Variants in RHOT2 observed in about 807,000 individuals in gnomAD.
The protein encoded by RHOT2 is mitochondrial Rho GTPase 2.
In RHOT2, 90 loss-of-function variants were observed where a neutral mutation model predicts 81.6. The observed-to-expected ratio is 1.10, with a 90% confidence interval of 0.93 to 1.31. The LOEUF (loss-of-function observed/expected upper bound fraction) is 1.31, where lower values mean the gene tolerates loss of function less well. Ranked by LOEUF, RHOT2 falls within the 40% of genes most tolerant of loss-of-function variation. The probability of loss-of-function intolerance (pLI) is 0.00; values close to 1 mark genes in which losing one functional copy is unlikely to be tolerated. For synonymous variants in RHOT2, 512 were observed against 370.9 expected, an observed-to-expected ratio of 1.38 and a Z score of -4.37; for missense variants, 1,014 against 841.9, an observed-to-expected ratio of 1.20 and a Z score of -2.53.
chr16:669,737 C>T (rs1032290938), intron 5 of RHOT2, 131 bp downstream of exon 5: 18 of 883,568 alleles, frequency 2.0e-5, no homozygotes, highest in Middle Eastern at 3.0e-4. Context: ...AGTTGCCTGA[C>T]GTGGAGTCAC....
At chr16:669,998 C>A in intron 5 of RHOT2, 125 bp from the exon 6 acceptor site, 1 of 855,936 alleles carries the variant, frequency 1.2e-6, no homozygotes, top group Non-Finnish European at 1.8e-6. Context: ...TTCCTGTGGC[C>A]GGGACTTGGG....
At position 672,785 on chromosome 16, in the gene RHOT2, G is replaced by A. The variant is rs773669620; in HGVS notation, c.1487G>A (p.Ser496Asn). 2 of 1,612,736 alleles carry A rather than the reference G, an allele frequency of 1.2e-6. No individual in the cohort carries two copies. The highest frequency in any genetic ancestry group is 2.2e-5 in the South Asian group (2 of 91,086). Reference sequence around the variant, plus strand: ...GTTGCCTGCTTGATGTTTGATGGCAGTGACCCAAAGTCCTTTGCACATTGT... The same window carrying A: ...GTTGCCTGCTTGATGTTTGATGGCAATGACCCAAAGTCCTTTGCACATTGT... Reference protein sequence around the residue: ...CDVACLMFDGSDPKSFAHCAS... With the variant: ...CDVACLMFDGNDPKSFAHCAS... The change falls in exon 17 of 19, where the codon AGT becomes AAT. Residue 496 changes from serine to asparagine, a missense_variant. By Grantham distance (46) the Ser-to-Asn change is conservative (BLOSUM62 1). Transcript: ENST00000315082.
At chr16:668,800 GC>G in intron 4 of RHOT2, 101 bp downstream of exon 4, 1 of 1,307,538 alleles carries the variant, frequency 7.6e-7, no homozygotes. Context: ...GGTGTCCTTG[GC>G]CCTGATAATT....
intron 17 of RHOT2, 21 bp from the exon 18 acceptor site, chr16:672,907 C>T (rs771404114): frequency 1.2e-6 from 2 of 1,612,654 alleles, no homozygotes; most frequent in East Asian, 2.2e-5. Context: ...GACTGTACCT[C>T]ATACCACTCT....
chr16:670,287 G>A lies in RHOT2; in HGVS notation c.368G>A (p.Arg123Gln), dbSNP rs770092940. 8.7e-6 allele frequency: 14 copies of A among 1,612,662 alleles called. No individual in the cohort carries two copies. The highest frequency in any genetic ancestry group is 6.7e-5 in the Admixed American group (4 of 59,996). Reference protein sequence around the residue: ...IILVGNKSDLRSGSSMEAVLP... With the variant: ...IILVGNKSDLQSGSSMEAVLP... ...CTAGTGGGCAACAAGTCAGACCTGC[G>A]GTCGGGGAGCTCCATGGAGGCCGTG... Residue 123 changes from arginine to glutamine, a missense_variant, in exon 7 of 19, where the codon CGG becomes CAG. Physicochemically the swap from Arg to Gln is conservative, Grantham distance 43. Coordinates refer to ENST00000315082, the MANE Select transcript of RHOT2 (RefSeq NM_138769.3).
chr16:673,370 C>A, intron 18 of RHOT2, 110 bp from the exon 19 acceptor site: 1 of 1,528,452 alleles, frequency 6.5e-7, no homozygotes. Flanking sequence ...TGCCTCTGGT[C>A]TGGGATCCCC....
intron 18 of RHOT2, 103 bp from the exon 19 acceptor site, chr16:673,377 C>A (rs1409061276): frequency 1.9e-6 from 3 of 1,548,536 alleles, no homozygotes; most frequent in Non-Finnish European, 2.6e-6. Flanking sequence ...GGTCTGGGAT[C>A]CCCGCCTGTG....
At chr16:669,779 A>ACCCTCTCAGGG in intron 5 of RHOT2, 173 bp downstream of exon 5, 2 of 694,794 alleles carry the variant, frequency 2.9e-6, no homozygotes, top group Non-Finnish European at 2.5e-6. Flanking sequence ...ACTTCCCCTG[A>ACCCTCTCAGGG]GAGGGTCTGG....
intron 5 of RHOT2, chr16:669,853 C>T (rs554654533): frequency 2.0e-5 from 12 of 612,472 alleles, no homozygotes; most frequent in African/African-American, 9.3e-5. Context: ...TCCAAACCCC[C>T]GGGGGGGGAC....
At position 670,738 on chromosome 16, in the gene RHOT2, C is replaced by G. The variant is rs768588499; in HGVS notation, c.604C>G (p.Gln202Glu). Residue 202 changes from glutamine to glutamate, a missense_variant, in exon 9 of 19, where the codon CAG (glutamine) becomes GAG (glutamate). Gln to Glu is a conservative substitution (Grantham distance 29). Transcript: ENST00000315082. ...CAGGCTCTCAGATCAGGACCTGGAC[C>G]AGGCGCTCAGTGACGAAGAGCTCAA... ...IFRLSDQDLD[Q>E]ALSDEELNAF... 1.2e-6 allele frequency: 2 copies of G among 1,612,438 alleles called. No individual in the cohort carries two copies. Among genetic ancestry groups the G allele is most frequent in the Admixed American group, 3.3e-5 (2 of 60,036 alleles).
At position 670,108 on chromosome 16, in the gene RHOT2, G is replaced by A. The variant is rs370536364; in HGVS notation, c.277-15G>A. The A allele has an allele frequency of 3.3e-4, 508 of 1,555,568 alleles. No individual in the cohort carries two copies. Among genetic ancestry groups the A allele is most frequent in the Non-Finnish European group, 4.2e-4 (484 of 1,152,182 alleles). On this transcript the variant is annotated splice_polypyrimidine_tract_variant and intron_variant, in intron 5 of 18. Transcript: ENST00000315082. ...CGCGGGCAGCCTCACTTCACAGCCA[G>A]GCTTTGCTTTTCAGATTCGAACTAA...
chr16:673,047 C>T lies in RHOT2; in HGVS notation c.1647C>T (p.Pro549=), dbSNP rs137928408. 22 of 1,611,892 alleles carry T rather than the reference C, an allele frequency of 1.4e-5. No individual in the cohort carries two copies. The highest frequency in any genetic ancestry group is 6.6e-5 in the South Asian group (6 of 91,084). ...PAEFCRKHRL[P]APVPFSCAGP... ...AGTTTTGCCGCAAGCACCGGCTACC[C>T]GCTCCCGTGCCGTTCTCCTGTGCTG... The change falls in exon 18 of 19, where the codon CCC becomes CCT. Residue 549 remains proline (P), a synonymous_variant. Coordinates refer to ENST00000315082, the MANE Select transcript of RHOT2 (RefSeq NM_138769.3).
rs774726865 is a variant in RHOT2 at position 671,200 on chromosome 16, C to T, written c.866C>T (p.Pro289Leu). The change falls in exon 11 of 19, where the codon CCT (proline) becomes CTT (leucine). Residue 289 changes from proline to leucine, a missense_variant. Coordinates refer to ENST00000315082, the MANE Select transcript of RHOT2 (RefSeq NM_138769.3). Reference protein sequence around the residue: ...ALELTADYLSPLIHVPPGCST... With the variant: ...ALELTADYLSLLIHVPPGCST... ...GAGCTGACTGCGGACTATCTCTCCC[C>T]TCTGTGAGTGATGCCGGGGCTTGAG... 2.6e-6 allele frequency: 4 copies of T among 1,549,534 alleles called. No homozygotes were observed. The highest frequency in any genetic ancestry group is 3.5e-6 in the Non-Finnish European group (4 of 1,146,280).
Position 673,002 on chromosome 16 carries a change from G to A in RHOT2, c.1602G>A (p.Val534=). 3 of 1,612,642 alleles carry A rather than the reference G, an allele frequency of 1.9e-6. No homozygotes were observed. The highest frequency in any genetic ancestry group is 2.7e-5 in the African/African-American group (2 of 75,058). Residue 534 remains valine (V), a synonymous_variant, in exon 18 of 19, where the codon GTG becomes GTA. Transcript: ENST00000315082. The part of the protein sequence containing the change: ...SKADLPEGVA[V]SGPSPAEFCR... ...CCGACCTGCCCGAAGGTGTCGCGGT[G>A]TCTGGCCCATCACCGGCCGAGTTTT...
chr16:669,731 G>C, intron 5 of RHOT2, 125 bp downstream of exon 5: 1 of 954,822 alleles, frequency 1.0e-6, no homozygotes, highest in Admixed American at 2.0e-5. Context: ...ACGTGGAGTT[G>C]CCTGACGTGG....
At chr16:669,862 A>G in intron 5 of RHOT2, 2 of 610,760 alleles carry the variant, frequency 3.3e-6, no homozygotes, top group Admixed American at 2.9e-5. Context: ...CCGGGGGGGG[A>G]CCCGCAGAGG....
At position 671,018 on chromosome 16, in the gene RHOT2, C is replaced by CCTGTGCCTGGGGAGTGTGGGGAGGGGG. The variant is rs2038831227; in HGVS notation, c.748+29_749-28dup. 4 of 1,602,352 alleles carry CCTGTGCCTGGGGAGTGTGGGGAGGGGG rather than the reference C, an allele frequency of 2.5e-6. No homozygotes were observed. In the South Asian group the frequency reaches 4.4e-5, roughly 18 times the overall value. On this transcript the variant is annotated intron_variant, in intron 10 of 18. Coordinates refer to ENST00000315082, the MANE Select transcript of RHOT2 (RefSeq NM_138769.3). ...CCTGGATGGTGAGGCCGGGTGCCCG[C>CCTGTGCCTGGGGAGTGTGGGGAGGGGG]CTGTGCCTGGGGAGTGTGGGGAGGG...
chr16:670,083 C>T (rs754022010), intron 5 of RHOT2, 40 bp from the exon 6 acceptor site: 14 of 1,525,338 alleles, frequency 9.2e-6, no homozygotes, highest in African/African-American at 1.4e-5. Flanking sequence ...GCCATGTGCC[C>T]GCGGGCAGCC....
chr16:672,318 G>A lies in RHOT2; in HGVS notation c.1260G>A (p.Lys420=), dbSNP rs1008800666. 2 of 1,612,348 alleles carry A rather than the reference G, an allele frequency of 1.2e-6. No homozygotes were observed. Among genetic ancestry groups the A allele is most frequent in the Non-Finnish European group, 1.7e-6 (2 of 1,179,800 alleles). The stretch of plus-strand genomic sequence containing the variant: ...CGCAGCGGAGCGTCCTCCTGTGCAA[G>A]GTGGTAGGGGCCCGTGGAGTGGGCA... ...GQTQRSVLLC[K]VVGARGVGKS... Residue 420 remains lysine (K), a synonymous_variant, in exon 15 of 19, where the codon AAG becomes AAA. Transcript: ENST00000315082.
Sources: gnomAD v4.1 joint callset for allele counts on GRCh38, gnomAD v4.1.1 for gene constraint, MANE v1.5 for transcripts, NCBI Gene and HGNC (gene_info 2026-07-23, HGNC 2026-07-21) for gene names.